Variants in TVP23C observed in about 807,000 individuals in gnomAD.
TVP23C encodes the protein Golgi apparatus membrane protein TVP23 homolog C.
A neutral mutation model predicts 28.7 loss-of-function variants in TVP23C; 19 were observed. The ratio of observed to expected loss-of-function variants is 0.66; its 90% CI spans 0.46 to 0.97. The LOEUF is 0.97. TVP23C is among the 50% of genes least tolerant of loss of function. TVP23C has a pLI of 0.00. For synonymous variants in TVP23C, 68 were observed against 81.7 expected (o/e 0.83, Z 0.90); for missense variants, 186 against 241.3 (o/e 0.77, Z 1.52).
intron 5 of TVP23C, chr17:15,507,159 G>A: frequency 1.3e-6 from 1 of 770,548 alleles, no homozygotes. Flanking sequence ...CTTGTCCATG[G>A]CAAATGCAGG....
In TVP23C at chr17:15,538,595, A is replaced by T. The variant is rs867772094; in HGVS notation, c.*1817T>A. ...AACAGAGTGAGACTCTGTCTCAAAAAAAATAAATAAATAAAAAAGTAGACA... is the reference window on the plus strand; with the variant it reads ...AACAGAGTGAGACTCTGTCTCAAAATAAATAAATAAATAAAAAAGTAGACA... On this transcript the variant is annotated 3_prime_UTR_variant, in exon 6 of 6. Coordinates refer to ENST00000518321, the MANE Select transcript of TVP23C (RefSeq NM_001135036.2). 3.1e-6 allele frequency: 3 copies of T among 983,506 alleles called. No individual in the cohort carries two copies. In the African/African-American group the frequency reaches 5.2e-5, roughly 17 times the overall value. 60.9% of individuals were successfully genotyped at this position (983,506 alleles called of 1,614,324 possible). A position where few individuals can be genotyped will look rare whatever the true frequency, so the allele number is the denominator to read the frequency against.
At chr17:15,546,391 A>G (rs1309179528) in intron 4 of TVP23C, among the ~76,000 whole-genome samples, 2 of 152,144 alleles carry the variant, frequency 1.3e-5, no homozygotes, top group African/African-American at 4.8e-5. Context: ...AAGGGTGGTA[A>G]GTTGTTTCCA....
chr17:15,508,827 C>T (rs1394557681), intron 5 of TVP23C, among the ~76,000 whole-genome samples: 3 of 152,344 alleles, frequency 2.0e-5, no homozygotes, highest in African/African-American at 4.8e-5. Context: ...ATGCCTCTAA[C>T]GTGAAGAGCA....
rs1379659421 is a variant in TVP23C, at chr17:15,558,053, CAAA to C, written c.13-2692_13-2690del. Reference sequence around the variant, plus strand: ...AATGCTCTTTTTCTTAAAAAACAAACAAACAAACAAAAAAAGGCTGATACTTGG... The same window carrying C: ...AATGCTCTTTTTCTTAAAAAACAAACCAAACAAAAAAAGGCTGATACTTGG... On this transcript the variant is annotated intron_variant, in intron 1 of 5. Transcript: ENST00000518321. 1.3e-5 allele frequency among the ~76,000 whole-genome samples: 2 copies of C among 149,308 alleles called. 1 individual carries two copies. The highest frequency in any genetic ancestry group is 3.0e-5 in the Non-Finnish European group (2 of 66,792).
chr17:15,512,537 T>G (rs927487710), intron 5 of TVP23C, among the ~76,000 whole-genome samples: 10 of 151,834 alleles, frequency 6.6e-5, no homozygotes, highest in African/African-American at 2.4e-4. Flanking sequence ...GAAAGGAGAG[T>G]CTGTTGTCCC....
At chr17:15,515,128 C>T (rs1477736165) in intron 5 of TVP23C, among the ~76,000 whole-genome samples, 1 of 152,004 alleles carries the variant, frequency 6.6e-6, no homozygotes, top group African/African-American at 2.4e-5. Context: ...GGCCCTGAGT[C>T]GATGACTGAC....
chr17:15,505,330 A>G (rs1318751662), intron 5 of TVP23C, among the ~76,000 whole-genome samples: 1 of 152,148 alleles, frequency 6.6e-6, no homozygotes, highest in Non-Finnish European at 1.5e-5. Flanking sequence ...TGGTGGACCT[A>G]CAAGGCTGTG....
At chr17:15,552,054 ATAAAC>A (rs1983917661) in intron 3 of TVP23C, among the ~76,000 whole-genome samples, 1 of 152,242 alleles carries the variant, frequency 6.6e-6, no homozygotes, top group Non-Finnish European at 1.5e-5. Context: ...TTATCAGAAA[ATAAAC>A]TATTTTGATC....
At chr17:15,550,791 C>T (rs1983850667) in intron 3 of TVP23C, among the ~76,000 whole-genome samples, 1 of 151,824 alleles carries the variant, frequency 6.6e-6, no homozygotes, top group Non-Finnish European at 1.5e-5. Context: ...TTGATCTTTG[C>T]CTTCTTTTAT....
At chr17:15,516,487 T>A (rs1805959013) in intron 5 of TVP23C, 1 of 152,272 alleles carries the variant, frequency 6.6e-6, no homozygotes, top group South Asian at 2.1e-4. Flanking sequence ...CCTCTCTCCT[T>A]GGCTTGTGGA....
At chr17:15,540,948 A>G (rs1983385646) in intron 5 of TVP23C, among the ~76,000 whole-genome samples, 1 of 152,280 alleles carries the variant, frequency 6.6e-6, no homozygotes, top group Non-Finnish European at 1.5e-5. Context: ...TAGGAATTAC[A>G]AAAGAACAGT....
intron 5 of TVP23C, among the ~76,000 whole-genome samples, chr17:15,508,764 G>A (rs1378095951): frequency 1.3e-5 from 2 of 152,170 alleles, no homozygotes; most frequent in Non-Finnish European, 2.9e-5. Context: ...GGGTATTTCT[G>A]GATCTACTTC....
At chr17:15,551,478 A>T (rs1983886287) in intron 3 of TVP23C, among the ~76,000 whole-genome samples, 1 of 152,072 alleles carries the variant, frequency 6.6e-6, no homozygotes, top group African/African-American at 2.4e-5. Context: ...AGAATAAAAT[A>T]AAAACCAATA....
intron 5 of TVP23C, chr17:15,503,365 A>C: frequency 8.9e-7 from 1 of 1,119,570 alleles, no homozygotes; most frequent in Non-Finnish European, 1.2e-6. Context: ...TGACCACGCC[A>C]CTGCACTCCA....
At chr17:15,557,239 C>A (rs1984172322) in intron 1 of TVP23C, among the ~76,000 whole-genome samples, 1 of 149,056 alleles carries the variant, frequency 6.7e-6, no homozygotes, top group Non-Finnish European at 1.5e-5. Context: ...TGCACATCTA[C>A]CCGCTCCTAC....
downstream of TVP23C, among the ~76,000 whole-genome samples, chr17:15,534,578 TACACACACACACACACACAC>T (rs370038704): frequency 8.0e-6 from 1 of 125,160 alleles, no homozygotes; most frequent in Non-Finnish European, 1.6e-5. Context: ...CCATCACTTC[TACACACACACACACACACAC>T]ACACACACAC....
exon 6 of TVP23C, chr17:15,502,722 CTCTCTCTCTTTCTCTCTCCTCTCTCCCG>C (rs1415240909): frequency 2.7e-5 from 30 of 1,121,284 alleles, no homozygotes; most frequent in South Asian, 4.0e-5. Flanking sequence ...TCTCTCTCCT[CTCTCTCTCTTTCTCTCTCCTCTCTCCCG>C]TCTCTTTCTC....
chr17:15,527,311 G>C (rs1052399359), intron 5 of TVP23C, among the ~76,000 whole-genome samples: 13 of 152,002 alleles, frequency 8.6e-5, no homozygotes, highest in Admixed American at 2.0e-4. Context: ...CATTTATTTT[G>C]TTTAAAGTTT....
chr17:15,516,804 T>C (rs1982246917), intron 5 of TVP23C: 1 of 152,178 alleles, frequency 6.6e-6, no homozygotes, highest in African/African-American at 2.4e-5. Context: ...ATCCCAAGTA[T>C]GAACATCCAG....
Sources: gnomAD v4.1 joint callset for allele counts (sites outside exome capture counted in the v4.1 genomes callset) on GRCh38, gnomAD v4.1.1 for gene constraint, MANE v1.5 for transcripts, NCBI Gene and HGNC (gene_info 2026-07-23, HGNC 2026-07-21) for gene names.